PHYKPL: variants seen among roughly 807,000 people sequenced by gnomAD.
The protein encoded by PHYKPL is 5-phosphonooxy-L-lysine phospho-lyase.
In PHYKPL, 42 loss-of-function variants were observed where a neutral mutation model predicts 51.3. The ratio of observed to expected loss-of-function variants is 0.82; its 90% CI spans 0.64 to 1.06. PHYKPL has a LOEUF of 1.06. PHYKPL is among the 50% of genes least tolerant of loss of function. The probability of loss-of-function intolerance (pLI) is 0.00; values close to 1 mark genes in which losing one functional copy is unlikely to be tolerated. For synonymous variants in PHYKPL, 264 were observed against 236.0 expected (o/e 1.12, Z -1.09); for missense variants, 655 against 586.6 (o/e 1.12, Z -1.20).
Position 178,232,544 on chromosome 5 carries a change from C to G in PHYKPL, c.7G>C (p.Ala3Pro), listed in dbSNP as rs1385405171. The change falls in exon 1 of 13, where the codon GCA (alanine) becomes CCA (proline). Residue 3 changes from alanine to proline, a missense_variant. By Grantham distance (27) the Ala-to-Pro change is conservative. Transcript: ENST00000308158. ...GTGTCGGCCTTCGGGCGCTGGTCTG[C>G]GGCCATGGTGGGTGGCCGTCAGTCG... Reference protein sequence around the residue: MAADQRPKADTLA... With the variant: MAPDQRPKADTLA... 1 of 1,292,948 alleles carries G rather than the reference C, an allele frequency of 7.7e-7. No homozygotes were observed. The highest frequency in any genetic ancestry group is 4.2e-5 in the Admixed American group (1 of 24,070). 80.1% of individuals were successfully genotyped at this position (1,292,948 alleles called of 1,614,324 possible). A position where few individuals can be genotyped will look rare whatever the true frequency, so the allele number is the denominator to read the frequency against.
At chr5:178,218,234 A>G (rs1430742546) in intron 8 of PHYKPL, among the ~76,000 whole-genome samples, 4 of 143,446 alleles carry the variant, frequency 2.8e-5, no homozygotes, top group South Asian at 2.2e-4. Context: ...AAAAAAAAAA[A>G]AAAAGAAAGA....
downstream of PHYKPL, chr5:178,208,403 CTA>C (rs1367951131): frequency 1.3e-5 from 2 of 152,266 alleles, no homozygotes; most frequent in Admixed American, 6.5e-5. Flanking sequence ...GCCTTTTTCT[CTA>C]TGTGCCATAA....
At chr5:178,219,033 A>G (rs1336752275) in intron 8 of PHYKPL, among the ~76,000 whole-genome samples, 4 of 152,252 alleles carry the variant, frequency 2.6e-5, no homozygotes, top group Admixed American at 6.5e-5. Flanking sequence ...TTCCTGATTC[A>G]CATCGTGTAC....
At chr5:178,219,639 A>G (rs1279127955) in intron 8 of PHYKPL, among the ~76,000 whole-genome samples, 1 of 151,794 alleles carries the variant, frequency 6.6e-6, no homozygotes, top group Admixed American at 6.6e-5. Context: ...TTCAGTAGAG[A>G]TGGGGTTTCA....
At chr5:178,210,439 G>A in intron 12 of PHYKPL, 4 of 1,510,458 alleles carry the variant, frequency 2.6e-6, no homozygotes, top group South Asian at 1.1e-5. Flanking sequence ...ATAACATGAG[G>A]AAGGCAGTCT....
downstream of PHYKPL, among the ~76,000 whole-genome samples, chr5:178,207,390 G>GA (rs1372317502): frequency 2.6e-5 from 4 of 152,290 alleles, no homozygotes; most frequent in East Asian, 7.7e-4. Context: ...TCCAATCCTT[G>GA]AAAGACTTCT....
intron 7 of PHYKPL, 65 bp downstream of exon 7, chr5:178,222,787 C>T (rs754320422): frequency 3.0e-4 from 466 of 1,555,914 alleles, no homozygotes; most frequent in Non-Finnish European, 3.9e-4. Context: ...GGGATTTGGA[C>T]CAGAGGTTGG....
chr5:178,213,392 C>T (rs565137116), intron 10 of PHYKPL, among the ~76,000 whole-genome samples: 49 of 152,346 alleles, frequency 3.2e-4, no homozygotes, highest in South Asian at 3.1e-3. Context: ...CACAGGGAAA[C>T]GCCAGACTGC....
chr5:178,214,688 G>T, intron 10 of PHYKPL, 108 bp downstream of exon 10: 1 of 981,438 alleles, frequency 1.0e-6, no homozygotes, highest in Non-Finnish European at 1.6e-6. Context: ...TCAAGTCTGT[G>T]GCCCAGAGTG....
chr5:178,207,203 T>A, downstream of PHYKPL: 3 of 1,614,218 alleles, frequency 1.9e-6, no homozygotes, highest in Non-Finnish European at 2.5e-6. Flanking sequence ...GAGAAAAAGT[T>A]CCATACTGTC....
At chr5:178,222,155 A>G (rs1177383857) in intron 8 of PHYKPL, among the ~76,000 whole-genome samples, 200 bp downstream of exon 8, 1 of 152,232 alleles carries the variant, frequency 6.6e-6, no homozygotes, top group East Asian at 1.9e-4. Context: ...CCCTTGTGAC[A>G]GCTTTTGGAT....
chr5:178,214,262 T>C (rs577460457), intron 10 of PHYKPL, among the ~76,000 whole-genome samples: 2 of 152,244 alleles, frequency 1.3e-5, no homozygotes, highest in South Asian at 2.1e-4. Context: ...TCCTGAGGAC[T>C]TGGGGTCCAA....
chr5:178,215,452 T>C (rs1170503396), intron 8 of PHYKPL, 22 bp from the exon 9 acceptor site: 2 of 1,596,412 alleles, frequency 1.3e-6, no homozygotes, highest in African/African-American at 2.7e-5. Context: ...ACAAAGAACA[T>C]GTCAGATGCC....
At position 178,222,564 on chromosome 5, in the gene PHYKPL, C is replaced by T. The variant is rs201105857; in HGVS notation, c.718G>A (p.Gly240Arg). 6.6e-5 allele frequency: 107 copies of T among 1,614,072 alleles called. No individual in the cohort carries two copies. Among genetic ancestry groups the T allele is most frequent in the Admixed American group, 1.0e-4 (6 of 60,000 alleles). Residue 240 changes from glycine (G) to arginine (R), a missense_variant, in exon 8 of 13, where the codon GGA (glycine) becomes AGA (arginine). Gly to Arg is a moderately radical substitution (Grantham distance 125). Coordinates refer to ENST00000308158, the MANE Select transcript of PHYKPL (RefSeq NM_153373.4). ...SQVAEHIRKA[G>R]GVFVADEIQV... ...ATCTCATCTGCAACAAAGACCCCTC[C>T]GGCCTTGCGGATGTGCCTGTGGCAG...
At chr5:178,214,675 C>G in intron 10 of PHYKPL, 121 bp downstream of exon 10, 1 of 872,488 alleles carries the variant, frequency 1.1e-6, no homozygotes, top group Non-Finnish European at 1.8e-6. Flanking sequence ...AGCCCTCTTT[C>G]AATCAAGTCT....
intron 8 of PHYKPL, among the ~76,000 whole-genome samples, chr5:178,219,859 G>A (rs192201145): frequency 6.6e-6 from 1 of 152,208 alleles, no homozygotes; most frequent in African/African-American, 2.4e-5. Flanking sequence ...ACAAGCTACT[G>A]TTTTACGCTC....
chr5:178,218,971 A>C (rs1456533081), intron 8 of PHYKPL, among the ~76,000 whole-genome samples: 1 of 152,234 alleles, frequency 6.6e-6, no homozygotes, highest in Non-Finnish European at 1.5e-5. Context: ...AAAAAACAAA[A>C]AAAAGTAAAG....
rs776029473 is a variant in PHYKPL at position 178,230,064 on chromosome 5, G to A, written c.214C>T (p.His72Tyr). 23 of 1,614,066 alleles carry A rather than the reference G, an allele frequency of 1.4e-5. No homozygotes were observed. The highest frequency in any genetic ancestry group is 2.2e-5 in the South Asian group (2 of 91,094). The change falls in exon 3 of 13, where the codon CAT (histidine) becomes TAT (tyrosine). Residue 72 changes from histidine to tyrosine, a missense_variant. Coordinates refer to ENST00000308158, the MANE Select transcript of PHYKPL (RefSeq NM_153373.4). ...GTGTTGAGCACCTGGTTCTGCTCAT[G>A]TGCTGCTTGGACCACGAGAGGGTGG... ...HCHPLVVQAA[H>Y]EQNQVLNTNS...
intron 8 of PHYKPL, among the ~76,000 whole-genome samples, chr5:178,219,342 A>G (rs997849595): frequency 3.3e-5 from 5 of 152,168 alleles, no homozygotes; most frequent in Admixed American, 3.3e-4. Flanking sequence ...ATACACACAC[A>G]CACAGACACA....
Sources: allele counts gnomAD v4.1 joint callset (sites outside exome capture counted in the v4.1 genomes callset), GRCh38; gene constraint gnomAD v4.1.1; transcripts MANE v1.5; gene names NCBI Gene and HGNC (gene_info 2026-07-23, HGNC 2026-07-21).